The following SEMA3A variants were observed in gnomAD, a reference collection of about 807,000 sequenced individuals.
SEMA3A encodes semaphorin-3A.
In SEMA3A, 29 loss-of-function variants were observed where a neutral mutation model predicts 97.9. The observed-to-expected ratio is 0.30, with a 90% CI of 0.22 to 0.40. The LOEUF is 0.40. Among genes scored for constraint, SEMA3A ranks in the 10% least tolerant of loss-of-function variants. The pLI, the probability that SEMA3A is intolerant of heterozygous loss-of-function variation, is 1.00. For missense variants in SEMA3A, 763 were observed against 951.3 expected (o/e 0.80, Z 2.60); for synonymous variants, 321 against 323.7 (o/e 0.99, Z 0.09).
chr7:83,993,550 T>G (rs1462689641), intron 12 of SEMA3A, among the ~76,000 whole-genome samples: 4 of 150,718 alleles, frequency 2.7e-5, no homozygotes, highest in Admixed American at 6.6e-5. Flanking sequence ...GTCTGTAAAG[T>G]ATTTTATTTC....
chr7:84,405,487 G>A (rs996071500), intron 1 of SEMA3A, among the ~76,000 whole-genome samples: 3 of 152,040 alleles, frequency 2.0e-5, no homozygotes, highest in African/African-American at 2.4e-5. Flanking sequence ...ACAGATCAAC[G>A]AGACAGAAAG....
intron 2 of SEMA3A, among the ~76,000 whole-genome samples, chr7:84,314,038 G>A (rs1449693376): frequency 6.6e-6 from 1 of 152,034 alleles, no homozygotes; most frequent in Non-Finnish European, 1.5e-5. Flanking sequence ...GTCTTGAAGT[G>A]TATGCCCAAA....
intron 3 of SEMA3A, among the ~76,000 whole-genome samples, chr7:84,214,500 A>G (rs1798699452): frequency 6.6e-6 from 1 of 152,176 alleles, no homozygotes; most frequent in Admixed American, 6.5e-5. Flanking sequence ...ATGAGGAAAC[A>G]TATTATTCCA....
rs59465422 is a variant in SEMA3A, at chr7:84,463,237, CTTTTTTTTTTTT to C, written c.-246+29211_-246+29222del. ...ATTACTTTAGTATTTTGTAACTATT[CTTTTTTTTTTTT>C]TTTTTTTTTTTTTTTTTAGGAGGGA... On this transcript the variant is annotated intron_variant, in intron 1 of 3. Coordinates refer to the SEMA3A transcript ENST00000424555. Among the ~76,000 whole-genome samples the C allele has an allele frequency of 2.8e-4, 20 of 71,374 alleles. No individual in the cohort carries two copies. In the East Asian group the frequency reaches 3.2e-3, roughly 11 times the overall value. The allele number at this position is 71,374 out of a possible 152,430, so 46.8% of individuals were successfully genotyped here. A position where few individuals can be genotyped will look rare whatever the true frequency, so the allele number is the denominator to read the frequency against.
At chr7:84,277,698 G>T (rs1235244325) in intron 3 of SEMA3A, among the ~76,000 whole-genome samples, 1 of 151,970 alleles carries the variant, frequency 6.6e-6, no homozygotes, top group Non-Finnish European at 1.5e-5. Flanking sequence ...ATCTGCTTCA[G>T]GGGGGGCCTC....
chr7:84,254,874 A>C (rs1157568414), intron 3 of SEMA3A, among the ~76,000 whole-genome samples: 2 of 152,184 alleles, frequency 1.3e-5, no homozygotes, highest in East Asian at 3.9e-4. Context: ...CATATGAACC[A>C]AAAGACATTT....
chr7:84,247,587 C>T (rs1799505783), intron 3 of SEMA3A, among the ~76,000 whole-genome samples: 1 of 152,116 alleles, frequency 6.6e-6, no homozygotes, highest in African/African-American at 2.4e-5. Context: ...TACAGCAAAA[C>T]ATTTTGACTG....
chr7:84,195,529 A>C (rs1014606633), upstream of SEMA3A: 18 of 151,358 alleles, frequency 1.2e-4, no homozygotes, highest in African/African-American at 4.1e-4. Context: ...CTCCCAACAA[A>C]CCCCCTGGGC....
chr7:84,168,447 A>G (rs1312297655), intron 1 of SEMA3A, among the ~76,000 whole-genome samples: 17 of 152,030 alleles, frequency 1.1e-4, no homozygotes. Context: ...ATAAATATAT[A>G]TAGGTCTTTT....
At chr7:84,197,439 T>A (rs191208018), upstream of SEMA3A, among the ~76,000 whole-genome samples, 1 of 152,272 alleles carries the variant, frequency 6.6e-6, no homozygotes, top group Admixed American at 6.5e-5. Flanking sequence ...AATTCAAATG[T>A]TAAATAAAAA....
At chr7:84,001,104 A>G (rs1009772941) in intron 12 of SEMA3A, among the ~76,000 whole-genome samples, 1 of 151,468 alleles carries the variant, frequency 6.6e-6, no homozygotes, top group East Asian at 1.9e-4. Flanking sequence ...ATCTCAATAG[A>G]TGTTTGCTCT....
chr7:84,441,361 A>C (rs1050720419), intron 1 of SEMA3A, among the ~76,000 whole-genome samples: 2 of 151,830 alleles, frequency 1.3e-5, no homozygotes, highest in African/African-American at 4.8e-5. Flanking sequence ...CTGTAAAACA[A>C]AACCAAAAAG....
chr7:84,137,953 G>A (rs1362181919), intron 1 of SEMA3A, among the ~76,000 whole-genome samples: 1 of 152,102 alleles, frequency 6.6e-6, no homozygotes, highest in African/African-American at 2.4e-5. Flanking sequence ...TGCAAACTAG[G>A]ACAAGTTCCT....
intron 2 of SEMA3A, among the ~76,000 whole-genome samples, chr7:84,363,986 A>G (rs971272669): frequency 3.0e-4 from 46 of 151,850 alleles, no homozygotes; most frequent in African/African-American, 1.1e-3. Context: ...GAACCCATCT[A>G]TTTAGCCAGA....
At chr7:84,195,740 C>G (rs935555194), upstream of SEMA3A, among the ~76,000 whole-genome samples, 21 of 152,168 alleles carry the variant, frequency 1.4e-4, no homozygotes, top group Non-Finnish European at 1.5e-5. Context: ...ATTTTCAATG[C>G]ATCACATCTC....
chr7:84,056,805 G>A (rs1793001663), intron 5 of SEMA3A, among the ~76,000 whole-genome samples: 1 of 152,042 alleles, frequency 6.6e-6, no homozygotes, highest in African/African-American at 2.4e-5. Context: ...GTATAAAATT[G>A]AAAATGTAAA....
At chr7:84,291,428 C>T (rs1800743466) in intron 3 of SEMA3A, among the ~76,000 whole-genome samples, 2 of 152,036 alleles carry the variant, frequency 1.3e-5, no homozygotes, top group South Asian at 4.1e-4. Flanking sequence ...GTGTATCTTA[C>T]ATTCAATTTT....
At chr7:84,424,122 C>A (rs905501170) in intron 1 of SEMA3A, among the ~76,000 whole-genome samples, 1 of 151,314 alleles carries the variant, frequency 6.6e-6, no homozygotes, top group African/African-American at 2.4e-5. Context: ...ACCATTGAAT[C>A]CAGCAATCCC....
chr7:83,964,129 C>G lies in SEMA3A; in HGVS notation c.1718-782G>C, dbSNP rs545754122. On this transcript the variant is annotated intron_variant, in intron 15 of 16. Coordinates refer to ENST00000265362, the MANE Select transcript of SEMA3A (RefSeq NM_006080.3). ...CCTGATTAAGTTTCTATTATTTTAC[C>G]CTTTATGTAACCTCCTCCAATGTGG... Among the ~76,000 whole-genome samples, 73 of 152,058 alleles carry G rather than the reference C, an allele frequency of 4.8e-4. No homozygotes were observed. In the Middle Eastern group the frequency reaches 0.01, roughly 21 times the overall value.
Sources: gnomAD v4.1 joint callset for allele counts (sites outside exome capture counted in the v4.1 genomes callset) on GRCh38, gnomAD v4.1.1 for gene constraint, MANE v1.5 for transcripts, NCBI Gene and HGNC (gene_info 2026-07-23, HGNC 2026-07-21) for gene names.